SMC6: variants seen among roughly 807,000 people sequenced by gnomAD.
The protein encoded by SMC6 is structural maintenance of chromosomes protein 6.
A neutral mutation model predicts 142.2 loss-of-function variants in SMC6; 79 were observed. The ratio of observed to expected loss-of-function variants is 0.56; its 90% CI spans 0.46 to 0.67. The LOEUF (loss-of-function observed/expected upper bound fraction) is 0.67, where lower values mean the gene tolerates loss of function less well. Among genes scored for constraint, SMC6 ranks in the 30% least tolerant of loss-of-function variants. The pLI, the probability that SMC6 is intolerant of heterozygous loss-of-function variation, is 0.00. For missense variants in SMC6, 1,072 were observed against 1,284.0 expected (o/e 0.83, Z 2.52); for synonymous variants, 411 against 412.4 (o/e 1.00, Z 0.04).
At chr2:17,722,765 G>A (rs1397815716) in intron 9 of SMC6, among the ~76,000 whole-genome samples, 1 of 152,060 alleles carries the variant, frequency 6.6e-6, no homozygotes, top group East Asian at 1.9e-4. Flanking sequence ...TGGCTTCTAT[G>A]AGAATTTCTC....
Position 17,725,328 on chromosome 2 carries a change from T to A in SMC6, c.655A>T (p.Met219Leu), listed in dbSNP as rs773995930. The A allele has an allele frequency of 6.2e-7, 1 of 1,606,418 alleles. No individual in the cohort carries two copies. Among genetic ancestry groups the A allele is most frequent in the Non-Finnish European group, 8.5e-7 (1 of 1,178,358 alleles). ...ATAATGTATGAATAATCTTCCTTCATCTGTTCAAGTTGCGTTGCTTTCATG... is the reference window on the plus strand; with the variant it reads ...ATAATGTATGAATAATCTTCCTTCAACTGTTCAAGTTGCGTTGCTTTCATG... ...FFMKATQLEQ[M>L]KEDYSYIMET... The change falls in exon 9 of 28, where the codon ATG becomes TTG. Residue 219 changes from methionine (M) to leucine (L), a missense_variant. Met to Leu is a conservative substitution (Grantham distance 15). Around this residue, in one of 3 missense-constraint regions of SMC6, gnomAD observed 994 missense variants for 1,153.2 expected, o/e 0.86. Transcript: ENST00000448223.
At chr2:17,737,027 G>A (rs1670190709) in intron 5 of SMC6, among the ~76,000 whole-genome samples, 1 of 152,204 alleles carries the variant, frequency 6.6e-6, no homozygotes. Flanking sequence ...GGTTGGTGGT[G>A]AGAGGAAGAC....
At chr2:17,730,084 C>A (rs1396043341) in intron 7 of SMC6, among the ~76,000 whole-genome samples, 2 of 152,146 alleles carry the variant, frequency 1.3e-5, no homozygotes, top group African/African-American at 2.4e-5. Flanking sequence ...ATGCCTGGAT[C>A]CCAAATCCAG....
intron 6 of SMC6, 123 bp downstream of exon 6, chr2:17,731,615 TATA>T: frequency 1.3e-6 from 1 of 793,364 alleles, no homozygotes; most frequent in Non-Finnish European, 2.0e-6. Context: ...TGTGTGTGTG[TATA>T]TATATATGCA....
intron 25 of SMC6, among the ~76,000 whole-genome samples, chr2:17,675,029 T>G (rs1666936278): frequency 6.6e-6 from 1 of 152,096 alleles, no homozygotes; most frequent in Non-Finnish European, 1.5e-5. Flanking sequence ...TATATCTAGA[T>G]CTGAGCCATG....
intron 26 of SMC6, among the ~76,000 whole-genome samples, chr2:17,668,778 A>G (rs1252513860): frequency 6.6e-6 from 1 of 152,178 alleles, no homozygotes; most frequent in Non-Finnish European, 1.5e-5. Flanking sequence ...CCATGTTTGG[A>G]GAATTACAAA....
At chr2:17,733,432 T>A (rs1273306171) in intron 5 of SMC6, among the ~76,000 whole-genome samples, 1 of 152,206 alleles carries the variant, frequency 6.6e-6, no homozygotes, top group African/African-American at 2.4e-5. Flanking sequence ...GTTAAAAAAA[T>A]TTCAGAATTC....
At position 17,735,340 on chromosome 2, in the gene SMC6, G is replaced by A. The variant is rs185133155; in HGVS notation, c.344+2881C>T. ...AGAATTTGGCTTCTTTCTCAACTCA[G>A]GAACAATCTATCTACACGGAAGTAA... On this transcript the variant is annotated intron_variant, in intron 5 of 27. Coordinates refer to ENST00000448223, the MANE Select transcript of SMC6 (RefSeq NM_001142286.2). 1.2e-4 allele frequency among the ~76,000 whole-genome samples: 18 copies of A among 152,186 alleles called. No individual in the cohort carries two copies. The East Asian group carries it at 3.3e-3, about 28-fold the overall frequency.
At chr2:17,675,560 T>A (rs1477165006) in intron 25 of SMC6, among the ~76,000 whole-genome samples, 1 of 152,138 alleles carries the variant, frequency 6.6e-6, no homozygotes, top group Non-Finnish European at 1.5e-5. Flanking sequence ...TTTCAGCTTT[T>A]GTTTGTCTGA....
rs567600533 is a variant in SMC6 at position 17,673,375 on chromosome 2, A to C, written c.2911-2800T>G. Among the ~76,000 whole-genome samples the C allele has an allele frequency of 5.5e-4, 83 of 152,016 alleles. 1 individual carries two copies. Among genetic ancestry groups the C allele is most frequent in the Non-Finnish European group, 1.8e-4 (12 of 68,006 alleles). On this transcript the variant is annotated intron_variant, in intron 25 of 27. Transcript: ENST00000448223. Reference sequence around the variant, plus strand: ...TTTTGATGAAGTTCTTAATTTTAATAAAGTCCAAATTATCAATCTTTTCTT... The same window carrying C: ...TTTTGATGAAGTTCTTAATTTTAATCAAGTCCAAATTATCAATCTTTTCTT...
intron 11 of SMC6, among the ~76,000 whole-genome samples, chr2:17,719,695 T>C (rs1275570211): frequency 1.3e-5 from 2 of 152,162 alleles, no homozygotes; most frequent in Admixed American, 6.5e-5. Context: ...GAATATTCTT[T>C]CAGAAATGAA....
intron 23 of SMC6, among the ~76,000 whole-genome samples, chr2:17,684,433 A>G (rs1250700113): frequency 6.6e-6 from 1 of 152,226 alleles, no homozygotes; most frequent in Non-Finnish European, 1.5e-5. Context: ...GGAAAATATG[A>G]AAAAGAACAG....
At chr2:17,738,182 TA>T in intron 5 of SMC6, 38 bp downstream of exon 5, 1 of 1,464,366 alleles carries the variant, frequency 6.8e-7, no homozygotes. Flanking sequence ...GTTTTCTTAC[TA>T]AAGAATTGAA....
intron 3 of SMC6, among the ~76,000 whole-genome samples, chr2:17,744,909 G>C (rs1245542618): frequency 6.6e-6 from 1 of 152,114 alleles, no homozygotes; most frequent in Non-Finnish European, 1.5e-5. Context: ...AATCAGGCTT[G>C]TATACCTAAA....
intron 11 of SMC6, among the ~76,000 whole-genome samples, chr2:17,719,359 T>A (rs571379640): frequency 3.9e-5 from 6 of 152,176 alleles, no homozygotes; most frequent in Non-Finnish European, 8.8e-5. Context: ...CAAGCAATAA[T>A]CAAGCACACA....
chr2:17,701,262 G>A (rs935533042), intron 20 of SMC6, among the ~76,000 whole-genome samples: 3 of 151,816 alleles, frequency 2.0e-5, no homozygotes, highest in Non-Finnish European at 4.4e-5. Flanking sequence ...GCAGACACTC[G>A]ATAAATATTT....
intron 27 of SMC6, among the ~76,000 whole-genome samples, chr2:17,665,849 T>C (rs1231344866): frequency 6.6e-6 from 1 of 152,124 alleles, no homozygotes; most frequent in Non-Finnish European, 1.5e-5. Flanking sequence ...GAAAAGAAAA[T>C]GAAAGAGATT....
chr2:17,716,606 A>G (rs1669098640), intron 14 of SMC6, 135 bp downstream of exon 14: 1 of 929,294 alleles, frequency 1.1e-6, no homozygotes, highest in Non-Finnish European at 1.6e-6. Flanking sequence ...AGTATTTAAC[A>G]TAAAAATAAA....
At chr2:17,718,557 T>A (rs1350340495) in intron 11 of SMC6, among the ~76,000 whole-genome samples, 1 of 152,196 alleles carries the variant, frequency 6.6e-6, no homozygotes, top group Admixed American at 6.5e-5. Context: ...AGGGTACATT[T>A]ATTTTTAATT....
Sources: allele counts gnomAD v4.1 joint callset (sites outside exome capture counted in the v4.1 genomes callset), GRCh38; gene constraint gnomAD v4.1.1; regional missense constraint gnomAD v4.1.1; transcripts MANE v1.5; gene names NCBI Gene and HGNC (gene_info 2026-07-23, HGNC 2026-07-21).